The following FER1L5 variants were observed in gnomAD, a reference collection of about 807,000 sequenced individuals.
FER1L5 encodes the protein fer-1 like family member 5.
In FER1L5, 187 loss-of-function variants were observed where a neutral mutation model predicts 279.9. The ratio of observed to expected loss-of-function variants is 0.67; its 90% CI spans 0.59 to 0.75. The LOEUF (loss-of-function observed/expected upper bound fraction) is 0.75, where lower values mean the gene tolerates loss of function less well. Ranked by LOEUF, FER1L5 falls within the 30% of genes least tolerant of loss-of-function variation. FER1L5 has a pLI of 0.00. For synonymous variants in FER1L5, 921 were observed against 989.7 expected (o/e 0.93, Z 1.30); for missense variants, 2,091 against 2,594.4 (o/e 0.81, Z 4.21).
chr2:96,686,411 C>A (rs2076927687), intron 23 of FER1L5, 61 bp downstream of exon 23: 2 of 1,503,070 alleles, frequency 1.3e-6, no homozygotes, highest in Non-Finnish European at 1.8e-6. Flanking sequence ...GGGGAGCCCC[C>A]TGAACTCGCA....
At chr2:96,650,784 T>A (rs2075327179) in intron 6 of FER1L5, among the ~76,000 whole-genome samples, 1 of 152,206 alleles carries the variant, frequency 6.6e-6, no homozygotes, top group East Asian at 1.9e-4. Flanking sequence ...GCCGTGGTTT[T>A]ACCTGCTCCC....
At chr2:96,647,600 A>G (rs1171134393) in intron 3 of FER1L5, among the ~76,000 whole-genome samples, 178 bp from the exon 4 acceptor site, 2 of 152,148 alleles carry the variant, frequency 1.3e-5, no homozygotes, top group Admixed American at 1.3e-4. Flanking sequence ...CAGTTCTCAG[A>G]GCCAGAAGCC....
In FER1L5 at chr2:96,673,225, G is replaced by GCACACC. The variant is rs2076391955; in HGVS notation, c.1641_1646dup (p.Thr548_Pro549dup). ...CTGAATTACAAGCCTCTAGTCTCAA[G>GCACACC]CACACCGTACAGCCCAGTGATATAT... On this transcript the variant is annotated inframe_insertion, in exon 19 of 53. Transcript: ENST00000624922. 6.4e-7 allele frequency: 1 copy of GCACACC among 1,551,428 alleles called. No individual in the cohort carries two copies. Among genetic ancestry groups the GCACACC allele is most frequent in the Non-Finnish European group, 8.7e-7 (1 of 1,146,954 alleles).
intron 11 of FER1L5, 93 bp from the exon 12 acceptor site, chr2:96,661,574 CT>C: frequency 1.3e-6 from 2 of 1,533,476 alleles, no homozygotes; most frequent in East Asian, 4.9e-5. Context: ...CCCATCCCCC[CT>C]GCACCAAGTG....
At chr2:96,686,855 C>CAAA (rs58724485) in intron 23 of FER1L5, among the ~76,000 whole-genome samples, 13 of 41,096 alleles carry the variant, frequency 3.2e-4, no homozygotes, top group African/African-American at 7.5e-4. Context: ...GACTCCGTCT[C>CAAA]AAAAAAAAAA....
rs2076900678 is a variant in FER1L5, at chr2:96,685,793, G to A, written c.1896-147G>A. 5 of 1,010,738 alleles carry A rather than the reference G, an allele frequency of 4.9e-6. No individual in the cohort carries two copies. In the East Asian group the frequency reaches 1.1e-4, roughly 21 times the overall value. 62.6% of individuals were successfully genotyped at this position (1,010,738 alleles called of 1,614,324 possible). A position where few individuals can be genotyped will look rare whatever the true frequency, so the allele number is the denominator to read the frequency against. ...CAGCGAGCAGGCTTCCTATGGAGCA[G>A]TGGGAAGGGCTCCTGGGCCAGGCTA... On this transcript the variant is annotated intron_variant, in intron 21 of 52. Transcript: ENST00000624922.
At chr2:96,681,828 T>C (rs1393200875) in intron 19 of FER1L5, among the ~76,000 whole-genome samples, 1 of 150,512 alleles carries the variant, frequency 6.6e-6, no homozygotes, top group Non-Finnish European at 1.5e-5. Context: ...CTCACTTTGT[T>C]GCCCAGGCTG....
chr2:96,688,044 G>C lies in FER1L5; in HGVS notation c.2361+97G>C, dbSNP rs1292774320. The stretch of plus-strand genomic sequence containing the variant: ...GAGATGGCCTCCCTGCAGGGGATTT[G>C]GCGTGAGAAGGGAGGGTGTAGCTGC... On this transcript the variant is annotated intron_variant, in intron 24 of 52. Coordinates refer to ENST00000624922, the MANE Select transcript of FER1L5 (RefSeq NM_001293083.2). 3.2e-5 allele frequency: 47 copies of C among 1,470,676 alleles called. No homozygotes were observed. In the Middle Eastern group the frequency reaches 6.0e-4, roughly 19 times the overall value. The allele number at this position is 1,470,676 out of a possible 1,614,324, so 91.1% of individuals were successfully genotyped here.
chr2:96,687,938 C>T lies in FER1L5; in HGVS notation c.2352C>T (p.Tyr784=), dbSNP rs376122114. Residue 784 remains tyrosine, a synonymous_variant, in exon 24 of 53, where the codon TAC becomes TAT. Transcript: ENST00000624922. ...QLLRQGDTAV[Y]AEMYENQAKY... ...TCCGCCAGGGTGACACAGCGGTGTA[C>T]GCCGAGATGGTGAGTGGTGAGCGGC... 1.4e-4 allele frequency: 222 copies of T among 1,550,842 alleles called. No individual in the cohort carries two copies. Among genetic ancestry groups the T allele is most frequent in the Non-Finnish European group, 1.7e-4 (192 of 1,146,968 alleles).
chr2:96,698,736 G>C lies in FER1L5; in HGVS notation c.4422G>C (p.Leu1474Phe). 1 of 1,578,370 alleles carries C rather than the reference G, an allele frequency of 6.3e-7. No homozygotes were observed. Among genetic ancestry groups the C allele is most frequent in the Non-Finnish European group, 8.6e-7 (1 of 1,162,738 alleles). ...CCCCAAAGCCCCCGCTGCAGTTCTT[G>C]GTTTGGCCAGAGAGAGAGGACTTCC... ...PEAPKPPLQF[L>F]VWPEREDFPQ... Residue 1474 changes from leucine to phenylalanine, a missense_variant, in exon 41 of 53, where the codon TTG becomes TTC. By Grantham distance (22) the Leu-to-Phe change is conservative. Coordinates refer to ENST00000624922, the MANE Select transcript of FER1L5 (RefSeq NM_001293083.2). The surrounding 1 kb of genome is among the most constrained non-coding windows in gnomAD (Gnocchi z 5.5).
chr2:96,695,693 C>T (rs1240210603), intron 35 of FER1L5, 32 bp downstream of exon 35: 2 of 1,606,718 alleles, frequency 1.2e-6, no homozygotes, highest in Non-Finnish European at 1.7e-6. Context: ...GCTGGGCAGC[C>T]CTCTTCTTCT....
intron 35 of FER1L5, 35 bp from the exon 36 acceptor site, chr2:96,695,707 G>T: frequency 6.2e-7 from 1 of 1,608,228 alleles, no homozygotes. Context: ...TTCTTCTGTG[G>T]GTCTCACGCT....
At chr2:96,664,437 G>A (rs1006408400) in intron 14 of FER1L5, among the ~76,000 whole-genome samples, 7 of 152,044 alleles carry the variant, frequency 4.6e-5, no homozygotes, top group Admixed American at 1.3e-4. Context: ...AAATGGAATC[G>A]TTCAGTAAGT....
chr2:96,690,562 G>A lies in FER1L5; in HGVS notation c.2716G>A (p.Glu906Lys), dbSNP rs2106635037. 6.4e-7 allele frequency: 1 copy of A among 1,551,706 alleles called. No homozygotes were observed. Among genetic ancestry groups the A allele is most frequent in the Non-Finnish European group, 8.7e-7 (1 of 1,146,966 alleles). Residue 906 changes from glutamate to lysine, a missense_variant, in exon 27 of 53, where the codon GAG becomes AAG. Physicochemically the swap from Glu to Lys is moderately conservative, Grantham distance 56. Coordinates refer to ENST00000624922, the MANE Select transcript of FER1L5 (RefSeq NM_001293083.2). ...GWHFKKDWVV[E>K]LNHAVDSKGW... ...GCACTTTAAGAAGGACTGGGTGGTG[G>A]AGCTGAACCACGCAGTGGACAGTAA... is the stretch of plus-strand genomic sequence containing the variant.
intron 13 of FER1L5, 118 bp from the exon 14 acceptor site, chr2:96,663,321 C>A: frequency 2.2e-6 from 2 of 923,970 alleles, no homozygotes; most frequent in Non-Finnish European, 3.5e-6. Flanking sequence ...CAGGGATTAG[C>A]CCAAGCACCT....
In FER1L5 at chr2:96,651,126, C is replaced by T. The variant is rs2075343520; in HGVS notation, c.505-766C>T. On this transcript the variant is annotated intron_variant, in intron 6 of 52. Transcript: ENST00000624922. ...TCCAGTTCCTTTTGCAATGGCTTCC[C>T]GGGCCCTTGATAACTCAAGCCTGTG... is the stretch of plus-strand genomic sequence containing the variant. 2.6e-5 allele frequency among the ~76,000 whole-genome samples: 4 copies of T among 152,354 alleles called. No individual in the cohort carries two copies. In the South Asian group the frequency reaches 6.2e-4, roughly 24 times the overall value.
Position 96,702,575 on chromosome 2 carries a change from A to G in FER1L5, c.5256-25A>G. On this transcript the variant is annotated intron_variant, in intron 47 of 52. Transcript: ENST00000624922. This position sits in a 1 kb window ranked among gnomAD's most constrained non-coding sequence, Gnocchi z 4.0. ...GGGATGGGGCCAATGCACATGAGCC[A>G]CAGGTGATAGGACTCTGGCCCCAGG... is the stretch of plus-strand genomic sequence containing the variant. 1 of 1,557,508 alleles carries G rather than the reference A, an allele frequency of 6.4e-7. No individual in the cohort carries two copies.
rs1234818604 is a variant in FER1L5 at position 96,704,689 on chromosome 2, CTAAT to C, written c.6174_*3del. 7 of 1,613,456 alleles carry C rather than the reference CTAAT, an allele frequency of 4.3e-6. No homozygotes were observed. The South Asian group carries it at 6.6e-5, about 15-fold the overall frequency. ...TCCCAGAACTTCCAGCCCCAGGAGA[CTAAT>C]TAGTCCATGCTGCCTGGCTTTCCTC... On this transcript the variant is annotated stop_retained_variant and 3_prime_UTR_variant, in exon 53 of 53. Transcript: ENST00000624922.
intron 5 of FER1L5, 142 bp downstream of exon 5, chr2:96,649,819 A>C: frequency 1.2e-6 from 1 of 802,418 alleles, no homozygotes; most frequent in Non-Finnish European, 2.0e-6. Context: ...CCTGGAAGCT[A>C]CAGGGTCTAG....
Sources: gnomAD v4.1 joint callset for allele counts (sites outside exome capture counted in the v4.1 genomes callset) on GRCh38, gnomAD v4.1.1 for gene constraint, Gnocchi (gnomAD v3.1) non-coding constraint, MANE v1.5 for transcripts, NCBI Gene and HGNC (gene_info 2026-07-23, HGNC 2026-07-21) for gene names.